TMEM132C: variants seen among roughly 807,000 people sequenced by gnomAD.
TMEM132C encodes the protein transmembrane protein 132C.
A neutral mutation model predicts 61.4 loss-of-function variants in TMEM132C; 29 were observed. The observed-to-expected ratio is 0.47, with a 90% CI of 0.35 to 0.64. The LOEUF (loss-of-function observed/expected upper bound fraction) is 0.64, where lower values mean the gene tolerates loss of function less well. Among genes scored for constraint, TMEM132C ranks in the 30% least tolerant of loss-of-function variants. TMEM132C has a pLI of 0.00. For missense variants in TMEM132C, 1,408 were observed against 1,476.9 expected, an observed-to-expected ratio of 0.95 and a Z score of 0.76; for synonymous variants, 656 against 633.1, an observed-to-expected ratio of 1.04 and a Z score of -0.54.
At chr12:128,405,928 G>A (rs1160584142) in intron 1 of TMEM132C, among the ~76,000 whole-genome samples, 1 of 152,180 alleles carries the variant, frequency 6.6e-6, no homozygotes, top group Non-Finnish European at 1.5e-5. Flanking sequence ...CCCATGGACA[G>A]GTGCTAGTGC....
Position 128,668,193 on chromosome 12 carries a change from T to G in TMEM132C, c.1306-1224T>G, listed in dbSNP as rs1015575436. ...ACTTTGGTAGGCCAAGGTGGGAGGA[T>G]CACTTGAGGCCAGGAGTTCAAGACC... On this transcript the variant is annotated intron_variant, in intron 4 of 8. Coordinates refer to ENST00000435159, the MANE Select transcript of TMEM132C (RefSeq NM_001136103.3). Among the ~76,000 whole-genome samples, 35 of 151,490 alleles carry G rather than the reference T, an allele frequency of 2.3e-4. 1 individual carries two copies. The highest frequency in any genetic ancestry group is 8.0e-4 in the African/African-American group (33 of 41,236).
intron 8 of TMEM132C, among the ~76,000 whole-genome samples, chr12:128,700,967 T>C (rs1242404893): frequency 6.6e-6 from 1 of 152,048 alleles, no homozygotes; most frequent in Non-Finnish European, 1.5e-5. Flanking sequence ...TCGGGGGTGA[T>C]GGAAGGAAGA....
chr12:128,608,197 C>T (rs552832050), intron 3 of TMEM132C, among the ~76,000 whole-genome samples: 73 of 151,778 alleles, frequency 4.8e-4, no homozygotes, highest in Non-Finnish European at 7.8e-4. Context: ...GGTGGGTAGT[C>T]GCTACCATAT....
chr12:128,461,745 A>T (rs2136070181), intron 2 of TMEM132C, among the ~76,000 whole-genome samples: 1 of 152,260 alleles, frequency 6.6e-6, no homozygotes, highest in East Asian at 1.9e-4. Flanking sequence ...TGTGTGTGAT[A>T]GTGGTGATAG....
intron 1 of TMEM132C, among the ~76,000 whole-genome samples, chr12:128,336,467 T>C (rs1441640538): frequency 6.6e-6 from 1 of 152,206 alleles, no homozygotes; most frequent in Non-Finnish European, 1.5e-5. Flanking sequence ...TGGGACTCTA[T>C]ATTTAAGCCA....
Position 128,415,145 on chromosome 12 carries a change from C to G in TMEM132C, c.499C>G (p.Leu167Val), listed in dbSNP as rs375513600. 1.9e-6 allele frequency: 3 copies of G among 1,610,640 alleles called. No individual in the cohort carries two copies. Among genetic ancestry groups the G allele is most frequent in the South Asian group, 2.2e-5 (2 of 90,272 alleles). ...GGATGACCACGGCGCCGGGGAGAAG[C>G]TGCCATGCCTGAGGGTCTTTGCTTT... Reference protein sequence around the residue: ...DWDDHGAGEKLPCLRVFAFRE... With the variant: ...DWDDHGAGEKVPCLRVFAFRE... Residue 167 changes from leucine to valine, a missense_variant, in exon 2 of 9, where the codon CTG (leucine) becomes GTG (valine). Leu to Val is a conservative substitution (Grantham distance 32, BLOSUM62 1). Coordinates refer to ENST00000435159, the MANE Select transcript of TMEM132C (RefSeq NM_001136103.3). The surrounding 1 kb of genome is among the most constrained non-coding windows in gnomAD (Gnocchi z 5.8).
At chr12:128,430,138 C>T (rs868221079) in intron 2 of TMEM132C, among the ~76,000 whole-genome samples, 17 of 152,282 alleles carry the variant, frequency 1.1e-4, no homozygotes, top group Middle Eastern at 3.4e-3. Flanking sequence ...TCCTAGTAAG[C>T]CTGCAGTGGG....
At chr12:128,353,549 C>T (rs536362253) in intron 1 of TMEM132C, among the ~76,000 whole-genome samples, 7 of 152,318 alleles carry the variant, frequency 4.6e-5, no homozygotes, top group South Asian at 4.1e-4. Flanking sequence ...TCAGAAGAGC[C>T]GTTTTATTTA....
intron 3 of TMEM132C, among the ~76,000 whole-genome samples, chr12:128,601,113 T>C (rs1201748863): frequency 6.6e-6 from 1 of 152,234 alleles, no homozygotes; most frequent in Non-Finnish European, 1.5e-5. Context: ...GGAGTGGACC[T>C]TGGAGCGTGT....
At chr12:128,356,903 A>G (rs1873524026) in intron 1 of TMEM132C, among the ~76,000 whole-genome samples, 1 of 152,206 alleles carries the variant, frequency 6.6e-6, no homozygotes. Flanking sequence ...ATAGAGATGA[A>G]TCCCACAACT....
At chr12:128,325,118 C>T (rs953481534) in intron 1 of TMEM132C, among the ~76,000 whole-genome samples, 5 of 152,146 alleles carry the variant, frequency 3.3e-5, no homozygotes, top group Non-Finnish European at 5.9e-5. Context: ...GCCCACACAC[C>T]AGCTGGGAGT....
At chr12:128,673,078 G>T (rs747186202) in intron 5 of TMEM132C, among the ~76,000 whole-genome samples, 1 of 152,234 alleles carries the variant, frequency 6.6e-6, no homozygotes, top group Non-Finnish European at 1.5e-5. Flanking sequence ...GGTTTCAGGA[G>T]AGGAATGCTG....
chr12:128,575,714 G>GT (rs1195514549), intron 3 of TMEM132C, among the ~76,000 whole-genome samples: 1 of 152,184 alleles, frequency 6.6e-6, no homozygotes, highest in Admixed American at 6.5e-5. Context: ...GACAAGAATT[G>GT]TTTCCATTGC....
intron 1 of TMEM132C, among the ~76,000 whole-genome samples, chr12:128,281,012 C>G (rs1870875034): frequency 6.6e-6 from 1 of 152,124 alleles, no homozygotes; most frequent in Admixed American, 6.5e-5. Context: ...ACATCTCCAG[C>G]TTTGAGACTG....
At chr12:128,321,761 C>T (rs1361513337) in intron 1 of TMEM132C, among the ~76,000 whole-genome samples, 5 of 152,160 alleles carry the variant, frequency 3.3e-5, no homozygotes, top group Non-Finnish European at 7.3e-5. Context: ...GTAGAGAGTC[C>T]ATGAGATCTC....
At chr12:128,379,901 G>A (rs1874346202) in intron 1 of TMEM132C, among the ~76,000 whole-genome samples, 1 of 152,162 alleles carries the variant, frequency 6.6e-6, no homozygotes, top group Admixed American at 6.5e-5. Context: ...GTAATAGTTT[G>A]CTAAGACCTC....
At chr12:128,577,384 G>A (rs1875151364) in intron 3 of TMEM132C, among the ~76,000 whole-genome samples, 1 of 152,186 alleles carries the variant, frequency 6.6e-6, no homozygotes, top group Non-Finnish European at 1.5e-5. Flanking sequence ...TAAGAGTGGG[G>A]ATGTATCATC....
intron 5 of TMEM132C, among the ~76,000 whole-genome samples, chr12:128,691,345 C>T (rs1954717984): frequency 6.6e-6 from 1 of 152,240 alleles, no homozygotes; most frequent in Admixed American, 6.5e-5. Context: ...CTGCATCGTC[C>T]ATCAACCCCA....
At chr12:128,325,087 C>G (rs183703583) in intron 1 of TMEM132C, among the ~76,000 whole-genome samples, 291 of 152,262 alleles carry the variant, frequency 1.9e-3, no homozygotes, top group South Asian at 3.5e-3. Context: ...AGGCCTGATA[C>G]TCTGCAGAAG....
Sources: gnomAD v4.1 joint callset for allele counts (sites outside exome capture counted in the v4.1 genomes callset) on GRCh38, gnomAD v4.1.1 for gene constraint, Gnocchi (gnomAD v3.1) non-coding constraint, MANE v1.5 for transcripts, NCBI Gene and HGNC (gene_info 2026-07-23, HGNC 2026-07-21) for gene names.